The following SMAD1 variants were observed in gnomAD, a reference collection of about 807,000 sequenced individuals.
SMAD1 encodes the protein MAD, mothers against decapentaplegic homolog 1.
Under a neutral mutation model 41.6 loss-of-function variants are expected in SMAD1, and 6 were observed. That is an observed-to-expected ratio of 0.14 (90% confidence interval 0.08 to 0.28). The LOEUF (loss-of-function observed/expected upper bound fraction) is 0.28. Among genes scored for constraint, SMAD1 ranks in the 10% least tolerant of loss-of-function variants. The probability of loss-of-function intolerance (pLI) is 1.00; values close to 1 mark genes in which losing one functional copy is unlikely to be tolerated. For missense variants in SMAD1, 379 were observed against 582.6 expected, an observed-to-expected ratio of 0.65 and a Z score of 3.60; for synonymous variants, 206 against 203.2, an observed-to-expected ratio of 1.01 and a Z score of -0.12.
chr4:145,545,054 CTTTT>C (rs907406415), intron 4 of SMAD1: 4 of 150,346 alleles, frequency 2.7e-5, no homozygotes, highest in African/African-American at 7.3e-5. Context: ...CTTCCCCCCG[CTTTT>C]TTTTTAACTT....
intron 1 of SMAD1, among the ~76,000 whole-genome samples, chr4:145,488,059 G>A (rs1340725333): frequency 1.3e-5 from 2 of 151,992 alleles, no homozygotes; most frequent in African/African-American, 4.8e-5. Flanking sequence ...AAGGTGTGAG[G>A]AAGTCCTTAC....
intron 1 of SMAD1, among the ~76,000 whole-genome samples, chr4:145,485,861 C>CA (rs1420842650): frequency 6.6e-6 from 1 of 152,132 alleles, no homozygotes; most frequent in Non-Finnish European, 1.5e-5. Context: ...ATTTAAGCCT[C>CA]AAAACTTCCA....
Position 145,485,418 on chromosome 4 carries a change from C to T in SMAD1, c.-177+3380C>T, listed in dbSNP as rs578148822. 5.1e-4 allele frequency among the ~76,000 whole-genome samples: 78 copies of T among 152,242 alleles called. 1 individual carries two copies. The highest frequency in any genetic ancestry group is 4.6e-4 in the Admixed American group (7 of 15,272). On this transcript the variant is annotated intron_variant, in intron 1 of 6. Transcript: ENST00000302085. ...TTTAAATTAAAATTAAATAAAAATT[C>T]GTTTTCTCAGCAGTAGCCGCATTTC...
intron 1 of SMAD1, among the ~76,000 whole-genome samples, chr4:145,499,915 G>C (rs1364546443): frequency 6.6e-6 from 1 of 151,884 alleles, no homozygotes; most frequent in Non-Finnish European, 1.5e-5. Context: ...TGGGTAGAAA[G>C]ATTCCATAAA....
intron 1 of SMAD1, among the ~76,000 whole-genome samples, chr4:145,494,162 A>T (rs1243146586): frequency 6.6e-6 from 1 of 152,060 alleles, no homozygotes; most frequent in Non-Finnish European, 1.5e-5. Flanking sequence ...GGGTTTCACC[A>T]TGTTGGCCAG....
In SMAD1 at chr4:145,518,381, C is replaced by T. The variant is rs988782859; in HGVS notation, c.400+3368C>T. On this transcript the variant is annotated intron_variant, in intron 2 of 6. Coordinates refer to ENST00000302085, the MANE Select transcript of SMAD1 (RefSeq NM_005900.3). ...GGGGGCGCCTGTAATCCCAGCTACT[C>T]GGGAGGCTGAGGCAGAAAAATCACT... is the stretch of plus-strand genomic sequence containing the variant. 2.9e-4 allele frequency among the ~76,000 whole-genome samples: 36 copies of T among 124,036 alleles called. 10 individuals are homozygous for T. The highest frequency in any genetic ancestry group is 2.7e-4 in the South Asian group (1 of 3,740). 81.4% of individuals were successfully genotyped at this position (124,036 alleles called of 152,430 possible). A position where few individuals can be genotyped will look rare whatever the true frequency, so the allele number is the denominator to read the frequency against.
intron 2 of SMAD1, among the ~76,000 whole-genome samples, chr4:145,539,442 A>G (rs1731796315): frequency 6.6e-6 from 1 of 152,250 alleles, no homozygotes; most frequent in Non-Finnish European, 1.5e-5. Context: ...GCTGTGAAAT[A>G]TAATTGTCAA....
At chr4:145,490,283 G>T (rs1411188507) in intron 1 of SMAD1, among the ~76,000 whole-genome samples, 1 of 152,140 alleles carries the variant, frequency 6.6e-6, no homozygotes, top group Non-Finnish European at 1.5e-5. Context: ...AAACAGAATG[G>T]GGTCCGAGTG....
At chr4:145,492,112 T>G (rs1288275255) in intron 1 of SMAD1, among the ~76,000 whole-genome samples, 1 of 152,150 alleles carries the variant, frequency 6.6e-6, no homozygotes, top group Non-Finnish European at 1.5e-5. Flanking sequence ...ACTCAAACTG[T>G]TTTTCCCTCT....
chr4:145,535,553 C>CA (rs1731565187), intron 2 of SMAD1, among the ~76,000 whole-genome samples: 2 of 151,958 alleles, frequency 1.3e-5, no homozygotes, highest in Admixed American at 1.3e-4. Flanking sequence ...AAGCAAAGTG[C>CA]AAAAGAGCCT....
At chr4:145,549,706 A>G (rs1427759007) in intron 5 of SMAD1, among the ~76,000 whole-genome samples, 2 of 152,210 alleles carry the variant, frequency 1.3e-5, no homozygotes, top group African/African-American at 4.8e-5. Flanking sequence ...TATTTATTAG[A>G]TGCTTTAAAA....
chr4:145,535,374 A>G (rs1011896504), intron 2 of SMAD1, among the ~76,000 whole-genome samples: 6 of 152,200 alleles, frequency 3.9e-5, no homozygotes, highest in African/African-American at 1.4e-4. Flanking sequence ...GTGCTACCAT[A>G]TATATGCACA....
chr4:145,533,302 T>C (rs1051345457), intron 2 of SMAD1, among the ~76,000 whole-genome samples: 1 of 152,244 alleles, frequency 6.6e-6, no homozygotes, highest in Non-Finnish European at 1.5e-5. Flanking sequence ...GGCTTGAAAT[T>C]GACAAGAGTC....
chr4:145,525,141 C>G (rs1029828383), intron 2 of SMAD1, among the ~76,000 whole-genome samples: 4 of 152,146 alleles, frequency 2.6e-5, no homozygotes, highest in African/African-American at 9.7e-5. Flanking sequence ...TGATCTCAGG[C>G]TGATTAATTT....
Position 145,514,665 on chromosome 4 carries a change from C to G in SMAD1, c.52C>G (p.Leu18Val). The G allele has an allele frequency of 6.2e-7, 1 of 1,613,656 alleles. No homozygotes were observed. Residue 18 changes from leucine to valine, a missense_variant, in exon 2 of 7, where the codon CTT becomes GTT. Leu to Val is a conservative substitution (Grantham distance 32). Transcript: ENST00000302085. The surrounding 1 kb of genome is among the most constrained non-coding windows in gnomAD (Gnocchi z 4.7). ...TACAAGTCCAGCTGTGAAGAGACTT[C>G]TTGGGTGGAAACAGGGCGATGAAGA... is the stretch of plus-strand genomic sequence containing the variant. ...SFTSPAVKRL[L>V]GWKQGDEEEK...
At chr4:145,499,497 C>T (rs984371678) in intron 1 of SMAD1, among the ~76,000 whole-genome samples, 11 of 151,972 alleles carry the variant, frequency 7.2e-5, no homozygotes, top group East Asian at 1.9e-4. Flanking sequence ...GGCACTTGCC[C>T]GTAGTCCCAG....
At chr4:145,549,224 A>G (rs2126541413) in intron 5 of SMAD1, among the ~76,000 whole-genome samples, 1 of 152,292 alleles carries the variant, frequency 6.6e-6, no homozygotes, top group Non-Finnish European at 1.5e-5. Flanking sequence ...TTAATACTGT[A>G]AGGGACATTA....
intron 1 of SMAD1, among the ~76,000 whole-genome samples, chr4:145,484,005 G>A (rs2126924290): frequency 6.6e-6 from 1 of 152,202 alleles, no homozygotes; most frequent in South Asian, 2.1e-4. Context: ...GTTCATTAAG[G>A]CATTAAGAGG....
At chr4:145,539,449 T>A (rs190434262) in intron 2 of SMAD1, among the ~76,000 whole-genome samples, 3 of 152,226 alleles carry the variant, frequency 2.0e-5, no homozygotes, top group African/African-American at 7.2e-5. Flanking sequence ...AATATAATTG[T>A]CAATGGTGAT....
Sources: allele counts gnomAD v4.1 joint callset (sites outside exome capture counted in the v4.1 genomes callset), GRCh38; gene constraint gnomAD v4.1.1; non-coding constraint Gnocchi (gnomAD v3.1); transcripts MANE v1.5; gene names NCBI Gene and HGNC (gene_info 2026-07-23, HGNC 2026-07-21).